The following AXL variants were observed in gnomAD, a reference collection of about 807,000 sequenced individuals.
The protein encoded by AXL is tyrosine-protein kinase receptor UFO.
A neutral mutation model predicts 104.5 loss-of-function variants in AXL; 52 were observed. The ratio of observed to expected loss-of-function variants is 0.50; its 90% CI spans 0.40 to 0.63. The LOEUF (loss-of-function observed/expected upper bound fraction) is 0.63, where lower values mean the gene tolerates loss of function less well. Ranked by LOEUF, AXL falls within the 20% of genes least tolerant of loss-of-function variation. The pLI is 0.00. For missense variants in AXL, 1,024 were observed against 1,188.5 expected (o/e 0.86, Z 2.04); for synonymous variants, 455 against 473.7 (o/e 0.96, Z 0.51).
chr19:41,247,550 T>A (rs1599738968), intron 12 of AXL, among the ~76,000 whole-genome samples: 2 of 152,296 alleles, frequency 1.3e-5, no homozygotes, highest in South Asian at 4.1e-4. Flanking sequence ...ACTTATGATT[T>A]GTGCAGATTA....
In AXL at chr19:41,230,538, CTGTG is replaced by C. The variant is rs549502464; in HGVS notation, c.587-425_587-422del. 3.7e-4 allele frequency among the ~76,000 whole-genome samples: 49 copies of C among 133,144 alleles called. No homozygotes were observed. In the East Asian group the frequency reaches 9.7e-3, roughly 26 times the overall value. 87.3% of individuals were successfully genotyped at this position (133,144 alleles called of 152,430 possible). The stretch of plus-strand genomic sequence containing the variant: ...TGTGTGTCTTTGTGTGTGTCTGTGT[CTGTG>C]TGTCTGTGTGTATGAGTGTGTGTGC... On this transcript the variant is annotated intron_variant, in intron 4 of 19. Coordinates refer to ENST00000301178, the MANE Select transcript of AXL (RefSeq NM_021913.5).
In AXL at chr19:41,231,946, C is replaced by CAA. The variant is rs1568410967; in HGVS notation, c.783+649_783+650dup. 3.1e-4 allele frequency among the ~76,000 whole-genome samples: 41 copies of CAA among 133,712 alleles called. No individual in the cohort carries two copies. The South Asian group carries it at 4.3e-3, about 14-fold the overall frequency. 87.7% of individuals were successfully genotyped at this position (133,712 alleles called of 152,430 possible). A position where few individuals can be genotyped will look rare whatever the true frequency, so the allele number is the denominator to read the frequency against. On this transcript the variant is annotated intron_variant, in intron 6 of 19. Transcript: ENST00000301178. ...TGTCTCAAAAAAAAAAAAGAAACAA[C>CAA]AACAAAAAAAATTTAACAAAATGAA... is the stretch of plus-strand genomic sequence containing the variant.
At chr19:41,246,187 C>T (rs2034267715) in intron 12 of AXL, among the ~76,000 whole-genome samples, 1 of 152,108 alleles carries the variant, frequency 6.6e-6, no homozygotes, top group South Asian at 2.1e-4. Context: ...GTGGCACATG[C>T]CTGTAATCCC....
chr19:41,239,574 CTCCCTTACTCGTGCCACACCCTCA>C (rs2034144650), intron 9 of AXL, 96 bp from the exon 10 acceptor site: 1 of 1,282,548 alleles, frequency 7.8e-7, no homozygotes, highest in Admixed American at 1.9e-5. Context: ...CAAACCTTCA[CTCCCTTACTCGTGCCACACCCTCA>C]CTCCCTTACC....
chr19:41,255,171 G>T (rs542170304), intron 17 of AXL, among the ~76,000 whole-genome samples: 1 of 152,198 alleles, frequency 6.6e-6, no homozygotes, highest in African/African-American at 2.4e-5. Context: ...ACTGCTTTGT[G>T]TCTGGCTTCT....
At chr19:41,221,769 A>ATGACCC (rs2033795008) in intron 3 of AXL, 111 bp from the exon 4 acceptor site, 2 of 1,205,962 alleles carry the variant, frequency 1.7e-6, no homozygotes, top group East Asian at 5.2e-5. Context: ...AGGCAAGTCA[A>ATGACCC]TGACCCTGCA....
At chr19:41,220,423 G>A (rs1047476350) in intron 1 of AXL, 9 of 544,452 alleles carry the variant, frequency 1.7e-5, no homozygotes, top group Admixed American at 3.3e-5. Flanking sequence ...CCTTCCCGAC[G>A]GGATGGACGC....
Position 41,259,880 on chromosome 19 carries a change from C to G in AXL, c.2661C>G (p.Ala887=), listed in dbSNP as rs765988057. Residue 887 remains alanine (A), a synonymous_variant, in exon 20 of 20, where the codon GCC becomes GCG. Transcript: ENST00000301178. ...CTGCTGATAGGGGCTCCCCAGCAGC[C>G]CCAGGGCAGGAGGATGGTGCCTGAG... ...AQPADRGSPA[A]PGQEDGA The G allele has an allele frequency of 4.0e-5, 63 of 1,592,462 alleles. No individual in the cohort carries two copies. The South Asian group carries it at 6.1e-4, about 15-fold the overall frequency.
chr19:41,233,278 C>T lies in AXL; in HGVS notation c.783+1980C>T, dbSNP rs182339001. Among the ~76,000 whole-genome samples, 40 of 152,178 alleles carry T rather than the reference C, an allele frequency of 2.6e-4. 1 individual carries two copies. In the East Asian group the frequency reaches 7.2e-3, roughly 27 times the overall value. ...GTGCTGGGATTACAGGCGTGAGGCACCGCGCTGGGCCCTGAGAAAATGTTT... is the reference window on the plus strand; with the variant it reads ...GTGCTGGGATTACAGGCGTGAGGCATCGCGCTGGGCCCTGAGAAAATGTTT... On this transcript the variant is annotated intron_variant, in intron 6 of 19. Transcript: ENST00000301178.
In AXL at chr19:41,256,887, C is replaced by T. The variant is rs542783301; in HGVS notation, c.2196+276C>T. Among the ~76,000 whole-genome samples, 6 of 152,148 alleles carry T rather than the reference C, an allele frequency of 3.9e-5. No individual in the cohort carries two copies. In the South Asian group the frequency reaches 6.2e-4, roughly 16 times the overall value. ...GCTGCAGTGATTATGCGTGCATGTGCGCACACTCATAGAATGTGGACAGCC... is the reference window on the plus strand; with the variant it reads ...GCTGCAGTGATTATGCGTGCATGTGTGCACACTCATAGAATGTGGACAGCC... On this transcript the variant is annotated intron_variant, in intron 18 of 19. Transcript: ENST00000301178.
At position 41,238,563 on chromosome 19, in the gene AXL, C is replaced by T. The variant is rs2034124834; in HGVS notation, c.1088C>T (p.Thr363Ile). ...GAGCCCCGGGCGCCCCTGCAGGGTA[C>T]CCTGTTAGGGTACCGGCTGGCGTAT... ...WQEPRAPLQG[T>I]LLGYRLAYQG... Residue 363 changes from threonine (T) to isoleucine (I), a missense_variant, in exon 8 of 20, where the codon ACC becomes ATC. This residue lies in a region of AXL where 332 missense variants were observed against 343.9 expected (regional missense o/e 0.97). Coordinates refer to ENST00000301178, the MANE Select transcript of AXL (RefSeq NM_021913.5). 1 of 1,613,726 alleles carries T rather than the reference C, an allele frequency of 6.2e-7. No individual in the cohort carries two copies. The highest frequency in any genetic ancestry group is 8.5e-7 in the Non-Finnish European group (1 of 1,179,796).
At position 41,252,975 on chromosome 19, in the gene AXL, G is replaced by C. The variant is rs73550550; in HGVS notation, c.1926+8G>C. The C allele has an allele frequency of 2.8e-3, 4,484 of 1,613,962 alleles. 69 individuals are homozygous for C. The African/African-American group carries it at 0.034, about 12-fold the overall frequency. ...CTCGGGGACCAGCCAGTGGTAAGGGGCGTTTAATCATTCAGTCTACAAATA... is the reference window on the plus strand; with the variant it reads ...CTCGGGGACCAGCCAGTGGTAAGGGCCGTTTAATCATTCAGTCTACAAATA... On this transcript the variant is annotated splice_region_variant and intron_variant, in intron 16 of 19. Transcript: ENST00000301178.
chr19:41,245,375 G>A (rs746714458), intron 12 of AXL, among the ~76,000 whole-genome samples: 5 of 152,172 alleles, frequency 3.3e-5, no homozygotes, highest in Non-Finnish European at 7.3e-5. Flanking sequence ...CCATTAGAAG[G>A]CTGGAAAGCC....
chr19:41,228,692 T>C (rs1419558528), intron 4 of AXL, among the ~76,000 whole-genome samples: 1 of 152,172 alleles, frequency 6.6e-6, no homozygotes, highest in Non-Finnish European at 1.5e-5. Flanking sequence ...TCAACAAGCA[T>C]TTATGGCACA....
chr19:41,253,366 C>G (rs976976231), intron 16 of AXL, among the ~76,000 whole-genome samples: 2 of 152,158 alleles, frequency 1.3e-5, no homozygotes, highest in African/African-American at 4.8e-5. Flanking sequence ...GAAGACCAGA[C>G]AGGAGTCTGG....
In AXL at chr19:41,220,246, C is replaced by T. The variant is rs1022877567; in HGVS notation, c.86-390C>T. On this transcript the variant is annotated intron_variant, in intron 1 of 19. Transcript: ENST00000301178. ...TCCCTCCGCCACCACCCTTATCTCC[C>T]CCCACCACCACCCTTATCTCTCTCC... 3.8e-5 allele frequency among the ~76,000 whole-genome samples: 4 copies of T among 104,136 alleles called. No homozygotes were observed. In the South Asian group the frequency reaches 9.0e-4, roughly 23 times the overall value. The allele number at this position is 104,136 out of a possible 152,430, so 68.3% of individuals were successfully genotyped here. A position where few individuals can be genotyped will look rare whatever the true frequency, so the allele number is the denominator to read the frequency against.
intron 10 of AXL, among the ~76,000 whole-genome samples, chr19:41,240,983 C>A (rs2034171898): frequency 6.6e-6 from 1 of 152,124 alleles, no homozygotes; most frequent in African/African-American, 2.4e-5. Flanking sequence ...CTTACACACT[C>A]CATTCCACCC....
At chr19:41,235,867 A>T (rs532512801) in intron 6 of AXL, among the ~76,000 whole-genome samples, 2 of 152,344 alleles carry the variant, frequency 1.3e-5, no homozygotes, top group East Asian at 3.9e-4. Context: ...GGCACTCAGT[A>T]CATGTTGGAC....
chr19:41,231,470 G>T (rs1438912229), intron 6 of AXL, among the ~76,000 whole-genome samples, 172 bp downstream of exon 6: 1 of 152,138 alleles, frequency 6.6e-6, no homozygotes, highest in Non-Finnish European at 1.5e-5. Flanking sequence ...ACCACCTTCT[G>T]GCTGTGTGAC....
Sources: allele counts gnomAD v4.1 joint callset (sites outside exome capture counted in the v4.1 genomes callset), GRCh38; gene constraint gnomAD v4.1.1; regional missense constraint gnomAD v4.1.1; transcripts MANE v1.5; gene names NCBI Gene and HGNC (gene_info 2026-07-23, HGNC 2026-07-21).